Variants in TCERG1L observed in about 807,000 individuals in gnomAD.
TCERG1L encodes transcription elongation regulator 1 like.
TCERG1L carries 37 observed loss-of-function variants against 56.3 expected under a neutral mutation model. The observed-to-expected ratio is 0.66, with a 90% CI of 0.51 to 0.87. The LOEUF (loss-of-function observed/expected upper bound fraction) is 0.87, where lower values mean the gene tolerates loss of function less well. Among genes scored for constraint, TCERG1L ranks in the 40% least tolerant of loss-of-function variants. The probability of loss-of-function intolerance (pLI) is 0.00; values close to 1 mark genes in which losing one functional copy is unlikely to be tolerated. For synonymous variants in TCERG1L, 324 were observed against 326.3 expected (o/e 0.99, Z 0.08); for missense variants, 799 against 774.2 (o/e 1.03, Z -0.38).
In TCERG1L at chr10:131,260,210, C is replaced by T. The variant is rs200549700; in HGVS notation, c.856+49G>A. The stretch of plus-strand genomic sequence containing the variant: ...GGGGCATCTAACCAGGAAGCCTCCG[C>T]GCGCTCGCTAAGGCAGCACCAGGCG... On this transcript the variant is annotated intron_variant, in intron 4 of 11. Transcript: ENST00000368642. This position sits in a 1 kb window ranked among gnomAD's most constrained non-coding sequence, Gnocchi z 5.8. 2.7e-4 allele frequency: 353 copies of T among 1,309,090 alleles called. 2 individuals are homozygous for T. Among genetic ancestry groups the T allele is most frequent in the Middle Eastern group, 5.5e-4 (2 of 3,610 alleles). The allele number at this position is 1,309,090 out of a possible 1,614,324, so 81.1% of individuals were successfully genotyped here. A position where few individuals can be genotyped will look rare whatever the true frequency, so the allele number is the denominator to read the frequency against.
At chr10:131,202,689 A>T (rs1407333713) in intron 4 of TCERG1L, among the ~76,000 whole-genome samples, 1 of 152,212 alleles carries the variant, frequency 6.6e-6, no homozygotes. Flanking sequence ...AGTCAATAAC[A>T]TCCTCTCCAC....
intron 4 of TCERG1L, among the ~76,000 whole-genome samples, chr10:131,236,937 C>G (rs1456190096): frequency 6.6e-6 from 1 of 152,024 alleles, no homozygotes; most frequent in African/African-American, 2.4e-5. Flanking sequence ...TTCTCGGTAG[C>G]CAGAGGGACA....
chr10:131,310,090 T>C (rs1846868430), intron 1 of TCERG1L, among the ~76,000 whole-genome samples: 1 of 152,198 alleles, frequency 6.6e-6, no homozygotes, highest in Admixed American at 6.5e-5. Flanking sequence ...GTTGTACATA[T>C]TCTTACTTTA....
intron 4 of TCERG1L, among the ~76,000 whole-genome samples, chr10:131,227,055 A>T (rs1413854639): frequency 1.3e-5 from 2 of 152,224 alleles, no homozygotes; most frequent in Admixed American, 6.5e-5. Context: ...CAAGGCTGAA[A>T]ATCGGTTTCG....
chr10:131,146,776 G>A, intron 6 of TCERG1L, 116 bp from the exon 7 acceptor site: 2 of 1,182,082 alleles, frequency 1.7e-6, no homozygotes, highest in Non-Finnish European at 2.4e-6. Context: ...CATTTGCAAA[G>A]CTTGTTTATG....
chr10:131,195,937 G>C (rs1214105256), intron 4 of TCERG1L, among the ~76,000 whole-genome samples: 3 of 152,218 alleles, frequency 2.0e-5, no homozygotes, highest in African/African-American at 7.2e-5. Flanking sequence ...GGAGAACACA[G>C]GATGCGGGAA....
At chr10:131,107,135 C>A (rs1377775720) in intron 9 of TCERG1L, among the ~76,000 whole-genome samples, 1 of 152,048 alleles carries the variant, frequency 6.6e-6, no homozygotes, top group Non-Finnish European at 1.5e-5. Context: ...TTGACTAGTG[C>A]ACCTGCCCCC....
At chr10:131,215,405 T>C (rs1845660159) in intron 4 of TCERG1L, among the ~76,000 whole-genome samples, 1 of 152,182 alleles carries the variant, frequency 6.6e-6, no homozygotes, top group African/African-American at 2.4e-5. Flanking sequence ...TAAATAGAAA[T>C]GGAAATTTTC....
At chr10:131,134,980 T>C (rs868778018) in intron 7 of TCERG1L, among the ~76,000 whole-genome samples, 4 of 152,178 alleles carry the variant, frequency 2.6e-5, no homozygotes, top group Admixed American at 1.3e-4. Flanking sequence ...AAAAGCCAAA[T>C]TGATTTTGAA....
At chr10:131,277,121 A>T (rs1846401261) in intron 3 of TCERG1L, among the ~76,000 whole-genome samples, 2 of 152,022 alleles carry the variant, frequency 1.3e-5, no homozygotes, top group African/African-American at 4.8e-5. Flanking sequence ...GAGGAAAACA[A>T]CATCACCACT....
chr10:131,133,029 T>C (rs1436776083), intron 8 of TCERG1L, among the ~76,000 whole-genome samples: 1 of 152,224 alleles, frequency 6.6e-6, no homozygotes, highest in Admixed American at 6.5e-5. Flanking sequence ...TATTCTTCTT[T>C]GCATTGTTTC....
chr10:131,166,715 A>T (rs1159127577), intron 5 of TCERG1L, 82 bp downstream of exon 5: 15 of 1,369,600 alleles, frequency 1.1e-5, no homozygotes, highest in Non-Finnish European at 1.5e-5. Context: ...CATACAGCAA[A>T]CAAGCGTGAG....
intron 3 of TCERG1L, among the ~76,000 whole-genome samples, chr10:131,277,128 C>T (rs1345152156): frequency 6.6e-6 from 1 of 152,010 alleles, no homozygotes; most frequent in East Asian, 1.9e-4. Context: ...ACAACATCAC[C>T]ACTGAGCTAG....
At chr10:131,203,701 C>A (rs772800064) in intron 4 of TCERG1L, among the ~76,000 whole-genome samples, 11 of 152,158 alleles carry the variant, frequency 7.2e-5, no homozygotes, top group Non-Finnish European at 1.6e-4. Context: ...CAGTAGGGGC[C>A]GGGAGGTGGG....
At chr10:131,152,680 G>A (rs1456336600) in intron 6 of TCERG1L, among the ~76,000 whole-genome samples, 1 of 152,084 alleles carries the variant, frequency 6.6e-6, no homozygotes, top group Admixed American at 6.5e-5. Context: ...CCCACTCCTG[G>A]TAAGAATTTA....
intron 4 of TCERG1L, among the ~76,000 whole-genome samples, chr10:131,246,801 C>T (rs879363453): frequency 4.3e-4 from 66 of 152,342 alleles, no homozygotes; most frequent in Non-Finnish European, 8.1e-4. Flanking sequence ...GCCTCCCAGC[C>T]ACACACCCCT....
chr10:131,149,454 T>C (rs1196272598), intron 6 of TCERG1L, among the ~76,000 whole-genome samples: 1 of 152,164 alleles, frequency 6.6e-6, no homozygotes, highest in Admixed American at 6.5e-5. Context: ...CCGGCTAGCA[T>C]AGGAAGTTTT....
At chr10:131,208,517 A>G (rs992712745) in intron 4 of TCERG1L, among the ~76,000 whole-genome samples, 6 of 152,230 alleles carry the variant, frequency 3.9e-5, no homozygotes, top group Admixed American at 2.0e-4. Context: ...GTGTCTGAGC[A>G]GACAGATTTT....
chr10:131,185,484 C>T (rs1044158280), intron 4 of TCERG1L, among the ~76,000 whole-genome samples: 2 of 152,100 alleles, frequency 1.3e-5, no homozygotes, highest in Non-Finnish European at 2.9e-5. Flanking sequence ...AATTATGTAT[C>T]TGATAAAGGC....
Sources: gnomAD v4.1 joint callset for allele counts (sites outside exome capture counted in the v4.1 genomes callset) on GRCh38, gnomAD v4.1.1 for gene constraint, Gnocchi (gnomAD v3.1) non-coding constraint, MANE v1.5 for transcripts, NCBI Gene and HGNC (gene_info 2026-07-23, HGNC 2026-07-21) for gene names.